CSMD1: variants seen among roughly 807,000 people sequenced by gnomAD.
The protein encoded by CSMD1 is CUB and sushi domain-containing protein 1.
Under a neutral mutation model 417.5 loss-of-function variants are expected in CSMD1, and 213 were observed. The ratio of observed to expected loss-of-function variants is 0.51; its 90% CI spans 0.46 to 0.57. The LOEUF (loss-of-function observed/expected upper bound fraction) is 0.57, where lower values mean the gene tolerates loss of function less well. Among genes scored for constraint, CSMD1 ranks in the 20% least tolerant of loss-of-function variants. The pLI is 0.00. For missense variants in CSMD1, 6,923 were observed against 4,529.7 expected, an observed-to-expected ratio of 1.53 and a Z score of -15.17; for synonymous variants, 2,862 against 1,736.8, an observed-to-expected ratio of 1.65 and a Z score of -16.11.
At chr8:4,230,125 A>G (rs2128813292) in intron 3 of CSMD1, among the ~76,000 whole-genome samples, 1 of 152,348 alleles carries the variant, frequency 6.6e-6, no homozygotes, top group East Asian at 1.9e-4. Flanking sequence ...AGATTAAATC[A>G]TCTCAGAATG....
At chr8:4,401,418 ATAT>A (rs1804635714) in intron 3 of CSMD1, among the ~76,000 whole-genome samples, 2 of 152,098 alleles carry the variant, frequency 1.3e-5, no homozygotes, top group Admixed American at 6.5e-5. Flanking sequence ...CAACTATTTT[ATAT>A]TATTTGGACA....
At chr8:3,632,260 C>T (rs907905528) in intron 7 of CSMD1, among the ~76,000 whole-genome samples, 1 of 152,102 alleles carries the variant, frequency 6.6e-6, no homozygotes, top group African/African-American at 2.4e-5. Context: ...TTTGATAATG[C>T]ATCTTAAATC....
chr8:4,830,605 T>C (rs558037252), intron 1 of CSMD1, among the ~76,000 whole-genome samples: 6 of 152,192 alleles, frequency 3.9e-5, no homozygotes, highest in East Asian at 3.9e-4. Context: ...CATAGATACA[T>C]AGAACAAACT....
At chr8:4,925,315 G>T (rs1231340837) in intron 1 of CSMD1, among the ~76,000 whole-genome samples, 3 of 134,388 alleles carry the variant, frequency 2.2e-5, no homozygotes, top group African/African-American at 5.5e-5. Flanking sequence ...GACACAAGTA[G>T]GTGGTCTTTG....
At chr8:4,686,101 C>G (rs1806364193) in intron 1 of CSMD1, among the ~76,000 whole-genome samples, 1 of 152,066 alleles carries the variant, frequency 6.6e-6, no homozygotes, top group African/African-American at 2.4e-5. Context: ...TTTTTCGTTA[C>G]AGAAGCTGTG....
intron 25 of CSMD1, among the ~76,000 whole-genome samples, chr8:3,302,798 T>C (rs1056376735): frequency 2.6e-5 from 4 of 152,202 alleles, no homozygotes; most frequent in African/African-American, 7.2e-5. Context: ...TTATGTACCA[T>C]GGCAGCTGAA....
chr8:4,831,979 C>T (rs1800181669), intron 1 of CSMD1, among the ~76,000 whole-genome samples: 1 of 152,164 alleles, frequency 6.6e-6, no homozygotes, highest in African/African-American at 2.4e-5. Context: ...AGGGGAACTC[C>T]AAATTCCCAC....
rs976005053 is a variant in CSMD1, at chr8:3,308,330, G to A, written c.3805C>T (p.Pro1269Ser). 4 of 1,611,220 alleles carry A rather than the reference G, an allele frequency of 2.5e-6. No individual in the cohort carries two copies. Among genetic ancestry groups the A allele is most frequent in the Admixed American group, 1.7e-5 (1 of 59,954 alleles). ...CACTCACCTATGCACGAAGGTAGTGGTTTGTCCCACACTCTCCTGTCTCCA... is the reference window on the plus strand; with the variant it reads ...CACTCACCTATGCACGAAGGTAGTGATTTGTCCCACACTCTCCTGTCTCCA... The part of the protein sequence containing the change: ...LSGDRRVWDK[P>S]LPSCIAECGG... Residue 1269 changes from proline (P) to serine (S), a missense_variant, in exon 24 of 70, where the codon CCA becomes TCA. Pro to Ser is a moderately conservative substitution (Grantham distance 74, BLOSUM62 -1). Transcript: ENST00000635120.
chr8:3,882,213 C>T (rs1806251859), intron 5 of CSMD1, among the ~76,000 whole-genome samples: 1 of 151,440 alleles, frequency 6.6e-6, no homozygotes, highest in Non-Finnish European at 1.5e-5. Flanking sequence ...AGAGACAACC[C>T]ATAAAGTGGA....
chr8:3,565,010 G>C (rs1322913500), intron 10 of CSMD1, among the ~76,000 whole-genome samples: 1 of 151,120 alleles, frequency 6.6e-6, no homozygotes, highest in African/African-American at 2.4e-5. Flanking sequence ...GTGATGGGAA[G>C]CAAAGCACCA....
At chr8:4,684,328 A>C (rs2116729178) in intron 1 of CSMD1, among the ~76,000 whole-genome samples, 1 of 152,360 alleles carries the variant, frequency 6.6e-6, no homozygotes, top group East Asian at 1.9e-4. Flanking sequence ...CTGTTTGTCC[A>C]ACAACATATA....
chr8:3,959,129 G>A (rs2129962031), intron 5 of CSMD1, among the ~76,000 whole-genome samples: 2 of 152,270 alleles, frequency 1.3e-5, no homozygotes, highest in East Asian at 3.9e-4. Flanking sequence ...TCGCACACCA[G>A]TCTTTACATA....
intron 5 of CSMD1, among the ~76,000 whole-genome samples, chr8:3,780,937 G>A (rs1436680128): frequency 6.6e-6 from 1 of 152,188 alleles, no homozygotes; most frequent in South Asian, 2.1e-4. Context: ...CTTTCTAAAT[G>A]TAAAAATAAA....
Position 3,992,920 on chromosome 8 carries a change from T to C in CSMD1, c.818+4983A>G, listed in dbSNP as rs551054499. ...CCAAAGCCATTTTTCTCACAAAAGA[T>C]TGAATTGTTAACATGGGATAGGTCA... On this transcript the variant is annotated intron_variant, in intron 5 of 69. Transcript: ENST00000635120. Among the ~76,000 whole-genome samples the C allele has an allele frequency of 9.2e-5, 14 of 152,348 alleles. No homozygotes were observed. The South Asian group carries it at 2.7e-3, about 29-fold the overall frequency.
At chr8:4,553,257 CAG>C (rs1442583420) in intron 2 of CSMD1, among the ~76,000 whole-genome samples, 2 of 152,198 alleles carry the variant, frequency 1.3e-5, no homozygotes, top group Non-Finnish European at 2.9e-5. Flanking sequence ...ATAAATGTAA[CAG>C]TTCCTCATTC....
At chr8:3,510,770 C>G (rs890558090) in intron 10 of CSMD1, among the ~76,000 whole-genome samples, 5 of 151,778 alleles carry the variant, frequency 3.3e-5, no homozygotes, top group African/African-American at 1.2e-4. Flanking sequence ...TGAGGATGAG[C>G]TTTTTTGCCT....
intron 5 of CSMD1, among the ~76,000 whole-genome samples, chr8:3,765,706 T>C (rs1265297977): frequency 6.6e-6 from 1 of 152,172 alleles, no homozygotes; most frequent in Non-Finnish European, 1.5e-5. Flanking sequence ...TGGCTTCCCA[T>C]CAGCACTGCA....
intron 7 of CSMD1, among the ~76,000 whole-genome samples, chr8:3,637,131 C>G (rs1190688533): frequency 1.3e-5 from 2 of 152,160 alleles, no homozygotes; most frequent in Non-Finnish European, 2.9e-5. Flanking sequence ...ATAAATTATC[C>G]CGTTTGTGCT....
chr8:3,735,049 T>C (rs1165299346), intron 6 of CSMD1, among the ~76,000 whole-genome samples: 1 of 152,300 alleles, frequency 6.6e-6, no homozygotes, highest in South Asian at 2.1e-4. Flanking sequence ...ATAGGTGATA[T>C]GAATGTGGAC....
Sources: gnomAD v4.1 joint callset for allele counts (sites outside exome capture counted in the v4.1 genomes callset) on GRCh38, gnomAD v4.1.1 for gene constraint, MANE v1.5 for transcripts, NCBI Gene and HGNC (gene_info 2026-07-23, HGNC 2026-07-21) for gene names.